The following PTH2R variants were observed in gnomAD, a reference collection of about 807,000 sequenced individuals.
PTH2R encodes the protein parathyroid hormone 2 receptor.
A neutral mutation model predicts 60.3 loss-of-function variants in PTH2R; 59 were observed. That is an observed-to-expected ratio of 0.98 (90% CI 0.79 to 1.22). PTH2R has a LOEUF of 1.22. PTH2R is among the 50% of genes most tolerant of loss of function. The pLI, the probability that PTH2R is intolerant of heterozygous loss-of-function variation, is 0.00. For missense variants in PTH2R, 749 were observed against 682.6 expected (o/e 1.10, Z -1.08); for synonymous variants, 256 against 243.8 (o/e 1.05, Z -0.47).
intron 10 of PTH2R, among the ~76,000 whole-genome samples, chr2:208,487,150 A>G (rs373306212): frequency 1.3e-5 from 2 of 152,368 alleles, no homozygotes; most frequent in East Asian, 3.9e-4. Context: ...GTGTATGTAC[A>G]TGGAAGATGA....
At position 208,442,405 on chromosome 2, in the gene PTH2R, C is replaced by T; in HGVS notation, c.453C>T (p.Gly151=). The T allele has an allele frequency of 6.2e-7, 1 of 1,613,570 alleles. No homozygotes were observed. The change falls in exon 5 of 13, where the codon GGC becomes GGT. Residue 151 remains glycine, a synonymous_variant. Coordinates refer to ENST00000272847, the MANE Select transcript of PTH2R (RefSeq NM_005048.4). ...FERLYVMYTV[G]YSISFGSLAV... is the part of the protein sequence containing the mutation. ...GCCTCTATGTAATGTATACCGTTGG[C>T]TACTCCATCTCTTTTGGTTCCTTGG... is the stretch of plus-strand genomic sequence containing the variant.
intron 4 of PTH2R, among the ~76,000 whole-genome samples, chr2:208,441,144 G>A (rs964380867): frequency 1.4e-4 from 22 of 152,102 alleles, no homozygotes; most frequent in African/African-American, 4.1e-4. Flanking sequence ...GGGTTCCCAC[G>A]AACCCCTCTT....
chr2:208,487,939 G>A (rs1033704064), intron 10 of PTH2R, among the ~76,000 whole-genome samples: 1 of 152,184 alleles, frequency 6.6e-6, no homozygotes, highest in Non-Finnish European at 1.5e-5. Context: ...TGTAATCTCA[G>A]AAGTGGGATG....
At chr2:208,374,286 T>C (rs1167404054) in intron 1 of PTH2R, among the ~76,000 whole-genome samples, 1 of 152,060 alleles carries the variant, frequency 6.6e-6, no homozygotes, top group African/African-American at 2.4e-5. Flanking sequence ...ACCCCTTATT[T>C]TTCCTATGCC....
intron 1 of PTH2R, among the ~76,000 whole-genome samples, chr2:208,363,729 A>G (rs528647122): frequency 6.6e-6 from 1 of 152,194 alleles, no homozygotes; most frequent in East Asian, 1.9e-4. Context: ...ATGAGATCGT[A>G]TCTCTCTGTG....
At chr2:208,407,182 G>T (rs1701433033) in intron 1 of PTH2R, 64 bp downstream of exon 1, 13 of 1,342,032 alleles carry the variant, frequency 9.7e-6, no homozygotes, top group South Asian at 5.9e-5. Context: ...CAGCTTTAGC[G>T]ACACGGAGGC....
At chr2:208,362,220 C>T (rs1192194437) in intron 1 of PTH2R, among the ~76,000 whole-genome samples, 4 of 152,128 alleles carry the variant, frequency 2.6e-5, no homozygotes. Context: ...ATTCTCAGGC[C>T]TTTGGACTTG....
At chr2:208,451,080 G>A (rs768587109) in intron 8 of PTH2R, among the ~76,000 whole-genome samples, 1 of 152,088 alleles carries the variant, frequency 6.6e-6, no homozygotes, top group Non-Finnish European at 1.5e-5. Flanking sequence ...TGAGAAGCAA[G>A]TGGAAAGAGA....
intron 1 of PTH2R, among the ~76,000 whole-genome samples, chr2:208,370,312 G>A (rs534786241): frequency 1.5e-4 from 23 of 151,338 alleles, no homozygotes; most frequent in African/African-American, 2.9e-4. Context: ...GCATGGTGGC[G>A]GGCACCTGTA....
intron 7 of PTH2R, among the ~76,000 whole-genome samples, chr2:208,447,063 A>G (rs1702300630): frequency 6.6e-6 from 1 of 152,168 alleles, no homozygotes; most frequent in African/African-American, 2.4e-5. Context: ...TCTGTTAGTC[A>G]CATTGTAGTA....
intron 9 of PTH2R, among the ~76,000 whole-genome samples, chr2:208,470,522 T>C (rs763424909): frequency 6.6e-6 from 1 of 152,110 alleles, no homozygotes; most frequent in Non-Finnish European, 1.5e-5. Flanking sequence ...CTGATGATTA[T>C]ATAAGGGGGA....
intron 1 of PTH2R, among the ~76,000 whole-genome samples, chr2:208,384,338 A>G (rs1700968401): frequency 6.6e-6 from 1 of 152,222 alleles, no homozygotes; most frequent in Non-Finnish European, 1.5e-5. Context: ...AGAATAGGGC[A>G]TGACAGTGTG....
rs562981837 is a variant in PTH2R at position 208,390,429 on chromosome 2, CG to C, written c.-259+30195del. On this transcript the variant is annotated intron_variant, in intron 1 of 12. Transcript: ENST00000617735. ...AAGGGAACCCCAAGACGATGAGTTC[CG>C]GGTCACTGTAAGATTCCTCAGTGTC... Among the ~76,000 whole-genome samples the C allele has an allele frequency of 1.6e-4, 24 of 152,274 alleles. No homozygotes were observed. The East Asian group carries it at 4.6e-3, about 29-fold the overall frequency.
At chr2:208,388,139 C>CCA (rs966846910) in intron 1 of PTH2R, among the ~76,000 whole-genome samples, 12 of 149,444 alleles carry the variant, frequency 8.0e-5, no homozygotes, top group African/African-American at 2.0e-4. Flanking sequence ...GAAACCCCCC[C>CCA]CCCCGTCTCT....
intron 1 of PTH2R, among the ~76,000 whole-genome samples, chr2:208,363,718 T>C (rs2125864974): frequency 1.3e-5 from 2 of 152,332 alleles, no homozygotes; most frequent in Middle Eastern, 3.4e-3. Context: ...TTCTGACTCA[T>C]ATGAGATCGT....
chr2:208,416,488 T>G (rs2105841517), intron 1 of PTH2R, among the ~76,000 whole-genome samples: 1 of 152,364 alleles, frequency 6.6e-6, no homozygotes, highest in South Asian at 2.1e-4. Context: ...CTACTATGGC[T>G]TAGCCATGAT....
At chr2:208,487,615 C>T (rs2105910538) in intron 10 of PTH2R, among the ~76,000 whole-genome samples, 1 of 152,318 alleles carries the variant, frequency 6.6e-6, no homozygotes, top group African/African-American at 2.4e-5. Context: ...TAAAACAACT[C>T]CCTTGCTATT....
intron 8 of PTH2R, among the ~76,000 whole-genome samples, chr2:208,452,779 A>G (rs1266437674): frequency 1.3e-5 from 2 of 152,180 alleles, no homozygotes; most frequent in African/African-American, 4.8e-5. Flanking sequence ...AATTTTGCAA[A>G]TATTAAGTAA....
chr2:208,485,167 A>G (rs1011917148), intron 10 of PTH2R, among the ~76,000 whole-genome samples: 1 of 152,228 alleles, frequency 6.6e-6, no homozygotes, highest in Non-Finnish European at 1.5e-5. Context: ...TTTTAAAGCT[A>G]AATTGATTCT....
Sources: allele counts gnomAD v4.1 joint callset (sites outside exome capture counted in the v4.1 genomes callset), GRCh38; gene constraint gnomAD v4.1.1; transcripts MANE v1.5; gene names NCBI Gene and HGNC (gene_info 2026-07-23, HGNC 2026-07-21).